Variants in ADAMTS7 observed in about 807,000 individuals in gnomAD.
ADAMTS7 encodes the protein A disintegrin and metalloproteinase with thrombospondin motifs 7.
Under a neutral mutation model 172.6 loss-of-function variants are expected in ADAMTS7, and 89 were observed. The observed-to-expected ratio is 0.52, with a 90% CI of 0.43 to 0.61. ADAMTS7 has a LOEUF of 0.61. Ranked by LOEUF, ADAMTS7 falls within the 20% of genes least tolerant of loss-of-function variation. The pLI, the probability that ADAMTS7 is intolerant of heterozygous loss-of-function variation, is 0.00. For synonymous variants in ADAMTS7, 885 were observed against 978.4 expected, an observed-to-expected ratio of 0.90 and a Z score of 1.78; for missense variants, 1,973 against 2,355.6, an observed-to-expected ratio of 0.84 and a Z score of 3.36.
intron 7 of ADAMTS7, among the ~76,000 whole-genome samples, chr15:78,788,931 C>G (rs1032414142): frequency 5.3e-5 from 8 of 152,240 alleles, no homozygotes; most frequent in Admixed American, 2.0e-4. Flanking sequence ...CTCATTATTA[C>G]CCTCAGGAAG....
At chr15:78,795,199 T>C (rs573836450) in intron 4 of ADAMTS7, among the ~76,000 whole-genome samples, 1 of 152,348 alleles carries the variant, frequency 6.6e-6, no homozygotes, top group Non-Finnish European at 1.5e-5. Flanking sequence ...CCTTGCCCCT[T>C]GCTCCACCCC....
intron 1 of ADAMTS7, among the ~76,000 whole-genome samples, chr15:78,809,361 T>C (rs1181492766): frequency 6.6e-6 from 1 of 152,078 alleles, no homozygotes; most frequent in Non-Finnish European, 1.5e-5. Flanking sequence ...TCACCAATCC[T>C]GAGGGAGTGC....
At position 78,798,119 on chromosome 15, in the gene ADAMTS7, G is replaced by A. The variant is rs376014891; in HGVS notation, c.457-6C>T. 259 of 1,546,948 alleles carry A rather than the reference G, an allele frequency of 1.7e-4. 1 individual carries two copies. The Middle Eastern group carries it at 5.3e-3, about 32-fold the overall frequency. On this transcript the variant is annotated splice_polypyrimidine_tract_variant and splice_region_variant and intron_variant, in intron 2 of 23. Transcript: ENST00000388820. ...GAGAGCTGGAACACACCTTTCTGGG[G>A]AAGAAGCACCAGGGTCACACAGGGA...
At chr15:78,795,673 C>G (rs1435590554) in intron 4 of ADAMTS7, among the ~76,000 whole-genome samples, 2 of 152,170 alleles carry the variant, frequency 1.3e-5, no homozygotes, top group Non-Finnish European at 2.9e-5. Context: ...TTACCTTGCC[C>G]CCAACAACCC....
rs2055100699 is a variant in ADAMTS7, at chr15:78,764,192, C to T, written c.4420-93G>A. ...GTGTGGCGGGAAAGGCATCCAGGCC[C>T]ACGCCCCAGCCCGGGGGAATAGCTG... On this transcript the variant is annotated intron_variant, in intron 20 of 23. Transcript: ENST00000388820. The T allele has an allele frequency of 5.0e-6, 7 of 1,413,506 alleles. No homozygotes were observed. In the South Asian group the frequency reaches 1.1e-4, roughly 21 times the overall value. The allele number at this position is 1,413,506 out of a possible 1,614,324, so 87.6% of individuals were successfully genotyped here.
chr15:78,782,619 C>T (rs2055443616), intron 8 of ADAMTS7, among the ~76,000 whole-genome samples: 1 of 152,102 alleles, frequency 6.6e-6, no homozygotes, highest in Non-Finnish European at 1.5e-5. Flanking sequence ...AGGATGTCAA[C>T]AAGATTCTGG....
intron 1 of ADAMTS7, among the ~76,000 whole-genome samples, chr15:78,801,048 C>T (rs1041746109): frequency 5.9e-5 from 9 of 152,194 alleles, no homozygotes; most frequent in Non-Finnish European, 1.3e-4. Flanking sequence ...GCCTGGATTG[C>T]TGCGGTAACT....
intron 4 of ADAMTS7, 46 bp downstream of exon 4, chr15:78,796,541 ACCC>A: frequency 8.4e-7 from 1 of 1,188,446 alleles, no homozygotes; most frequent in Non-Finnish European, 1.2e-6. Context: ...TTTGCACCCC[ACCC>A]CCCAACACCA....
rs751943457 is a variant in ADAMTS7, at chr15:78,790,806, G to C, written c.904-12C>G. On this transcript the variant is annotated splice_polypyrimidine_tract_variant and intron_variant, in intron 5 of 23. Coordinates refer to ENST00000388820, the MANE Select transcript of ADAMTS7 (RefSeq NM_014272.5). ...ATCTTTAGGTCCTCCTGGGGGCAGA[G>C]AGAGTGACTGCTCATGCCTCCCCTG... 1 of 1,612,932 alleles carries C rather than the reference G, an allele frequency of 6.2e-7. No individual in the cohort carries two copies. The highest frequency in any genetic ancestry group is 2.2e-5 in the East Asian group (1 of 44,878).
In ADAMTS7 at chr15:78,765,914, A is replaced by C. The variant is rs1446079876; in HGVS notation, c.3997T>G (p.Trp1333Gly). 13 of 1,580,306 alleles carry C rather than the reference A, an allele frequency of 8.2e-6. No homozygotes were observed. The African/African-American group carries it at 1.8e-4, about 21-fold the overall frequency. Residue 1333 changes from tryptophan to glycine, a missense_variant, in exon 19 of 24, where the codon TGG becomes GGG. Coordinates refer to ENST00000388820, the MANE Select transcript of ADAMTS7 (RefSeq NM_014272.5). ...GSWDLQTVAVWGTFLPTTLTG... is the reference protein window; with the variant it reads ...GSWDLQTVAVGGTFLPTTLTG... ...AGGGTTGTGGGGAGGAAGGTCCCCC[A>C]CACTGCCACAGTCTGCAGGTCCCAT...
At chr15:78,777,874 C>T (rs2055374429) in intron 8 of ADAMTS7, among the ~76,000 whole-genome samples, 1 of 151,962 alleles carries the variant, frequency 6.6e-6, no homozygotes, top group South Asian at 2.1e-4. Flanking sequence ...CTCAGAAGGC[C>T]TCCTGGACCA....
At chr15:78,790,297 C>T (rs774720770) in intron 6 of ADAMTS7, among the ~76,000 whole-genome samples, 6 of 152,086 alleles carry the variant, frequency 3.9e-5, no homozygotes, top group Non-Finnish European at 8.8e-5. Context: ...ACTGAATACA[C>T]ACACACACAC....
chr15:78,791,165 C>A lies in ADAMTS7; in HGVS notation c.878G>T (p.Arg293Leu). 2 of 1,613,460 alleles carry A rather than the reference C, an allele frequency of 1.2e-6. No homozygotes were observed. Among genetic ancestry groups the A allele is most frequent in the Non-Finnish European group, 1.7e-6 (2 of 1,179,674 alleles). Residue 293 changes from arginine (R) to leucine (L), a missense_variant, in exon 5 of 24, where the codon CGC (arginine) becomes CTC (leucine). Arg to Leu is a moderately radical substitution (Grantham distance 102). Coordinates refer to ENST00000388820, the MANE Select transcript of ADAMTS7 (RefSeq NM_014272.5). Reference protein sequence around the residue: ...IGNPIHITIVRLVLLEDEEED... With the variant: ...IGNPIHITIVLLVLLEDEEED... ...CTCCTCATCTTCCAGCAGGACCAGG[C>A]GCACAATGGTGATGTGGATGGGGTT... is the stretch of plus-strand genomic sequence containing the variant.
chr15:78,770,084 G>A (rs1596178023), intron 16 of ADAMTS7, among the ~76,000 whole-genome samples: 1 of 152,062 alleles, frequency 6.6e-6, no homozygotes, highest in Non-Finnish European at 1.5e-5. Flanking sequence ...AATCGCTGGA[G>A]CCTGGGAGGC....
Position 78,766,546 on chromosome 15 carries a change from T to C in ADAMTS7, c.3365A>G (p.Glu1122Gly). Residue 1122 changes from glutamate to glycine, a missense_variant, in exon 19 of 24, where the codon GAG becomes GGG. By Grantham distance (98) the Glu-to-Gly change is moderately conservative (BLOSUM62 -2). Transcript: ENST00000388820. Reference sequence around the variant, plus strand: ...CGGGGACCAAGGTCCCAGTACCCCCTCCTCCTTGGCTGCAGGAGGCTCTGT... The same window carrying C: ...CGGGGACCAAGGTCCCAGTACCCCCCCCTCCTTGGCTGCAGGAGGCTCTGT... ...PATEPPAAKE[E>G]GVLGPWSPSP... The C allele has an allele frequency of 1.9e-6, 3 of 1,598,564 alleles. No individual in the cohort carries two copies. Among genetic ancestry groups the C allele is most frequent in the Non-Finnish European group, 2.6e-6 (3 of 1,173,062 alleles).
chr15:78,779,708 T>C (rs967625194), intron 8 of ADAMTS7, among the ~76,000 whole-genome samples: 13 of 152,058 alleles, frequency 8.5e-5, no homozygotes, highest in Non-Finnish European at 1.5e-4. Context: ...GGAGGTAGAC[T>C]GGGGGCTCAC....
intron 4 of ADAMTS7, among the ~76,000 whole-genome samples, chr15:78,792,348 CCAT>C (rs1415034741): frequency 6.6e-6 from 1 of 152,214 alleles, no homozygotes; most frequent in Non-Finnish European, 1.5e-5. Flanking sequence ...GTCCAAGTTA[CCAT>C]CATCATTTCG....
chr15:78,800,709 C>T (rs1381601145), intron 1 of ADAMTS7, among the ~76,000 whole-genome samples, 162 bp from the exon 2 acceptor site: 1 of 152,204 alleles, frequency 6.6e-6, no homozygotes, highest in Non-Finnish European at 1.5e-5. Flanking sequence ...TTCATCTTTC[C>T]GTGCCTCAGT....
rs1425272822 is a variant in ADAMTS7, at chr15:78,800,564, A to G, written c.101-17T>C. ...TTGCACGTCCTGCAGGGAGAGAACCACAAACGCCTAGGCCCAGGGCAGACC... is the reference window on the plus strand; with the variant it reads ...TTGCACGTCCTGCAGGGAGAGAACCGCAAACGCCTAGGCCCAGGGCAGACC... On this transcript the variant is annotated splice_polypyrimidine_tract_variant and intron_variant, in intron 1 of 23. Coordinates refer to ENST00000388820, the MANE Select transcript of ADAMTS7 (RefSeq NM_014272.5). The G allele has an allele frequency of 1.9e-6, 3 of 1,570,998 alleles. No homozygotes were observed. Among genetic ancestry groups the G allele is most frequent in the Non-Finnish European group, 1.7e-6 (2 of 1,158,436 alleles).
Sources: gnomAD v4.1 joint callset for allele counts (sites outside exome capture counted in the v4.1 genomes callset) on GRCh38, gnomAD v4.1.1 for gene constraint, MANE v1.5 for transcripts, NCBI Gene and HGNC (gene_info 2026-07-23, HGNC 2026-07-21) for gene names.